CLSTN2: variants seen among roughly 807,000 people sequenced by gnomAD.
The protein encoded by CLSTN2 is calsyntenin 2, also known as calsyntenin-2.
A neutral mutation model predicts 101.2 loss-of-function variants in CLSTN2; 48 were observed. The ratio of observed to expected loss-of-function variants is 0.47; its 90% confidence interval spans 0.38 to 0.60. The LOEUF is 0.60. CLSTN2 is among the 20% of genes least tolerant of loss of function. CLSTN2 has a pLI of 0.00. For missense variants in CLSTN2, 1,160 were observed against 1,238.2 expected (o/e 0.94, Z 0.95); for synonymous variants, 481 against 463.6 (o/e 1.04, Z -0.48).
intron 11 of CLSTN2, among the ~76,000 whole-genome samples, chr3:140,557,975 A>C (rs919247541): frequency 6.6e-6 from 1 of 152,160 alleles, no homozygotes. Context: ...TGTTATCTCC[A>C]CTGTATAGAT....
intron 2 of CLSTN2, among the ~76,000 whole-genome samples, chr3:140,192,342 T>A (rs2010577825): frequency 6.6e-6 from 1 of 151,958 alleles, no homozygotes; most frequent in Non-Finnish European, 1.5e-5. Flanking sequence ...GATGTTGAAC[T>A]TTTCTGTATC....
intron 4 of CLSTN2, among the ~76,000 whole-genome samples, chr3:140,405,168 T>G (rs2088289109): frequency 6.6e-6 from 1 of 152,152 alleles, no homozygotes; most frequent in African/African-American, 2.4e-5. Context: ...TGCCTCTAGA[T>G]GAAGACATGC....
intron 2 of CLSTN2, among the ~76,000 whole-genome samples, chr3:140,321,333 C>A (rs2087281403): frequency 6.6e-6 from 1 of 152,186 alleles, no homozygotes. Context: ...ACCTTCAGCA[C>A]CACCTTTGAC....
At chr3:139,945,952 T>C (rs1211044334) in intron 1 of CLSTN2, among the ~76,000 whole-genome samples, 1 of 152,238 alleles carries the variant, frequency 6.6e-6, no homozygotes, top group East Asian at 1.9e-4. Flanking sequence ...CACTATGAAC[T>C]GAAAGTGTTG....
At chr3:140,048,839 C>T (rs1011190580) in intron 1 of CLSTN2, among the ~76,000 whole-genome samples, 2 of 152,178 alleles carry the variant, frequency 1.3e-5, no homozygotes, top group African/African-American at 4.8e-5. Flanking sequence ...CCACCACACC[C>T]AGAGGGAAAG....
chr3:140,303,708 C>A (rs766794973), intron 2 of CLSTN2, among the ~76,000 whole-genome samples: 1 of 152,030 alleles, frequency 6.6e-6, no homozygotes, highest in Admixed American at 6.6e-5. Context: ...GGTGTCCCAA[C>A]TTGACCCTGT....
intron 1 of CLSTN2, among the ~76,000 whole-genome samples, chr3:139,950,778 G>T (rs906088422): frequency 6.6e-6 from 1 of 152,188 alleles, no homozygotes; most frequent in African/African-American, 2.4e-5. Flanking sequence ...ATAATAAAAT[G>T]ATATGTATTT....
chr3:140,189,465 T>C (rs2010529579), intron 2 of CLSTN2, among the ~76,000 whole-genome samples: 1 of 152,192 alleles, frequency 6.6e-6, no homozygotes, highest in Non-Finnish European at 1.5e-5. Flanking sequence ...TATTATCTCA[T>C]TGTGGTTTTA....
intron 1 of CLSTN2, among the ~76,000 whole-genome samples, chr3:140,138,747 T>C (rs1012138098): frequency 3.3e-5 from 5 of 152,340 alleles, no homozygotes; most frequent in African/African-American, 9.6e-5. Context: ...CTGCTCCTGG[T>C]TGAGCCAGGC....
chr3:140,559,566 G>C (rs1477715439), intron 12 of CLSTN2, among the ~76,000 whole-genome samples: 1 of 148,358 alleles, frequency 6.7e-6, no homozygotes, highest in African/African-American at 2.5e-5. Context: ...GGTCAGGGGG[G>C]CGGGGAAGGG....
intron 3 of CLSTN2, 149 bp downstream of exon 3, chr3:140,403,973 G>A: frequency 1.6e-6 from 1 of 633,206 alleles, no homozygotes. Flanking sequence ...CTGGTCCCAT[G>A]CAGGCATCTT....
At chr3:140,358,870 G>A (rs1057134705) in intron 2 of CLSTN2, among the ~76,000 whole-genome samples, 1 of 152,018 alleles carries the variant, frequency 6.6e-6, no homozygotes, top group Non-Finnish European at 1.5e-5. Context: ...CAGGGATCAG[G>A]GAATGGCAGG....
At chr3:140,077,579 G>T (rs1157340809) in intron 1 of CLSTN2, among the ~76,000 whole-genome samples, 4 of 152,128 alleles carry the variant, frequency 2.6e-5, no homozygotes, top group African/African-American at 9.7e-5. Context: ...GTGAGAAGGG[G>T]CTCTGCCTGT....
intron 2 of CLSTN2, among the ~76,000 whole-genome samples, chr3:140,288,741 A>G (rs755938286): frequency 6.6e-6 from 1 of 152,148 alleles, no homozygotes; most frequent in African/African-American, 2.4e-5. Flanking sequence ...TCCATTAACA[A>G]TTTCTGAGGG....
intron 2 of CLSTN2, among the ~76,000 whole-genome samples, chr3:140,317,283 C>A (rs1196042921): frequency 6.6e-6 from 1 of 152,156 alleles, no homozygotes; most frequent in African/African-American, 2.4e-5. Flanking sequence ...AGTTCAGGGA[C>A]TCTTCTCGGG....
At chr3:140,184,080 C>G (rs866167772) in intron 2 of CLSTN2, among the ~76,000 whole-genome samples, 16 of 152,154 alleles carry the variant, frequency 1.1e-4, no homozygotes, top group African/African-American at 3.9e-4. Flanking sequence ...ATGTCTCCAC[C>G]GGCTGTTAAT....
chr3:140,199,814 G>C (rs1559804605), intron 2 of CLSTN2, among the ~76,000 whole-genome samples: 1 of 152,168 alleles, frequency 6.6e-6, no homozygotes, highest in Admixed American at 6.5e-5. Flanking sequence ...CTGAGTAAGT[G>C]CCCCTGGCCA....
chr3:140,556,648 T>C lies in CLSTN2; in HGVS notation c.1810T>C (p.Ser604Pro). Reference sequence around the variant, plus strand: ...GGCGGGTGTGCGGCGCCTCAAAGTATCCTCCAAAGTCCAGTGAGTGGACGC... The same window carrying C: ...GGCGGGTGTGCGGCGCCTCAAAGTACCCTCCAAAGTCCAGTGAGTGGACGC... ...PTAGVRRLKV[S>P]SKVQCFGEDV... Residue 604 changes from serine (S) to proline (P), a missense_variant, in exon 11 of 17, where the codon TCC becomes CCC. By Grantham distance (74) the Ser-to-Pro change is moderately conservative. Coordinates refer to ENST00000458420, the MANE Select transcript of CLSTN2 (RefSeq NM_022131.3). 2 of 1,613,820 alleles carry C rather than the reference T, an allele frequency of 1.2e-6. No individual in the cohort carries two copies. Among genetic ancestry groups the C allele is most frequent in the Non-Finnish European group, 1.7e-6 (2 of 1,179,896 alleles).
At chr3:140,425,372 G>C (rs911809544) in intron 5 of CLSTN2, among the ~76,000 whole-genome samples, 1 of 152,194 alleles carries the variant, frequency 6.6e-6, no homozygotes, top group African/African-American at 2.4e-5. Flanking sequence ...CCCTTCCATG[G>C]GCAGGACCAG....
Sources: gnomAD v4.1 joint callset for allele counts (sites outside exome capture counted in the v4.1 genomes callset) on GRCh38, gnomAD v4.1.1 for gene constraint, MANE v1.5 for transcripts, NCBI Gene and HGNC (gene_info 2026-07-23, HGNC 2026-07-21) for gene names.